Variants in SIK3 observed in about 807,000 individuals in gnomAD.
SIK3 encodes the protein SIK family kinase 3.
A neutral mutation model predicts 144.2 loss-of-function variants in SIK3; 28 were observed. That is an observed-to-expected ratio of 0.19 (90% confidence interval 0.14 to 0.27). The LOEUF is 0.27. Among genes scored for constraint, SIK3 ranks in the 10% least tolerant of loss-of-function variants. The pLI, the probability that SIK3 is intolerant of heterozygous loss-of-function variation, is 1.00. For missense variants in SIK3, 1,319 were observed against 1,776.0 expected, an observed-to-expected ratio of 0.74 and a Z score of 4.62; for synonymous variants, 686 against 676.3, an observed-to-expected ratio of 1.01 and a Z score of -0.22.
Position 116,857,945 on chromosome 11 carries a change from G to A in SIK3, c.3520C>T (p.Leu1174=). 1.2e-6 allele frequency: 2 copies of A among 1,614,236 alleles called. No individual in the cohort carries two copies. The highest frequency in any genetic ancestry group is 8.5e-7 in the Non-Finnish European group (1 of 1,180,050). The stretch of plus-strand genomic sequence containing the variant: ...CCAGGTCCACCGGTACTCAAGAGCA[G>A]AGGGCTGTCATGGCAACCTTTGGTC... ...TLTKGCHDSP[L]LLSTGGPGDP... Residue 1174 remains leucine, a synonymous_variant, in exon 21 of 25, where the codon CTG becomes TTG. Coordinates refer to ENST00000445177, the MANE Select transcript of SIK3 (RefSeq NM_001366686.3).
intron 1 of SIK3, among the ~76,000 whole-genome samples, chr11:117,070,365 C>A (rs1451156043): frequency 6.6e-6 from 1 of 152,168 alleles, no homozygotes; most frequent in Non-Finnish European, 1.5e-5. Flanking sequence ...ATAAGAAGAT[C>A]ACTTGAGCCC....
intron 1 of SIK3, among the ~76,000 whole-genome samples, chr11:116,962,372 C>T (rs1328393452): frequency 2.6e-5 from 4 of 152,108 alleles, no homozygotes; most frequent in African/African-American, 7.2e-5. Context: ...GATGAACATA[C>T]AGTAATTTCA....
chr11:116,853,422 A>G (rs1012979502), intron 21 of SIK3, among the ~76,000 whole-genome samples: 2 of 152,214 alleles, frequency 1.3e-5, no homozygotes, highest in Non-Finnish European at 2.9e-5. Flanking sequence ...ATATTTATCA[A>G]ACTAAAGCTA....
intron 6 of SIK3, 54 bp from the exon 7 acceptor site, chr11:116,877,096 G>C: frequency 6.6e-7 from 1 of 1,510,922 alleles, no homozygotes; most frequent in South Asian, 1.1e-5. Flanking sequence ...GGCACCAGGG[G>C]AGTAGAGGAA....
intron 1 of SIK3, among the ~76,000 whole-genome samples, chr11:116,966,241 T>A (rs1949544164): frequency 6.6e-6 from 1 of 151,926 alleles, no homozygotes; most frequent in East Asian, 1.9e-4. Flanking sequence ...AAAAATTTTT[T>A]AAAAATTATC....
chr11:116,860,779 G>C (rs1395330925), intron 19 of SIK3, among the ~76,000 whole-genome samples: 2 of 152,178 alleles, frequency 1.3e-5, no homozygotes, highest in African/African-American at 4.8e-5. Flanking sequence ...TGTCAAGGGA[G>C]GGACCTGGTG....
In SIK3 at chr11:116,867,915, A is replaced by G; in HGVS notation, c.1952+31T>C. On this transcript the variant is annotated intron_variant, in intron 15 of 24. Coordinates refer to ENST00000445177, the MANE Select transcript of SIK3 (RefSeq NM_001366686.3). The surrounding 1 kb of genome is among the most constrained non-coding windows in gnomAD (Gnocchi z 4.1). ...AAGGGTGCCTGTCCGATGAGCCTCA[A>G]GGAGCTCGCACAGCTCATGTGGCTA... is the stretch of plus-strand genomic sequence containing the variant. The G allele has an allele frequency of 6.7e-7, 1 of 1,489,068 alleles. No homozygotes were observed. The highest frequency in any genetic ancestry group is 9.0e-7 in the Non-Finnish European group (1 of 1,115,926). 92.2% of individuals were successfully genotyped at this position (1,489,068 alleles called of 1,614,324 possible).
intron 4 of SIK3, among the ~76,000 whole-genome samples, chr11:116,916,796 CAAA>C (rs34262569): frequency 3.1e-5 from 4 of 129,848 alleles, no homozygotes; most frequent in Non-Finnish European, 3.4e-5. Context: ...AGGTGTGAGC[CAAA>C]AAAAAAAAAA....
At chr11:117,076,007 G>C (rs1328547042) in intron 1 of SIK3, among the ~76,000 whole-genome samples, 1 of 151,396 alleles carries the variant, frequency 6.6e-6, no homozygotes, top group Non-Finnish European at 1.5e-5. Flanking sequence ...TGCCACCATG[G>C]CTGGCTAATT....
At chr11:117,066,490 G>T (rs1220757419) in intron 1 of SIK3, among the ~76,000 whole-genome samples, 1 of 149,858 alleles carries the variant, frequency 6.7e-6, no homozygotes, top group Non-Finnish European at 1.5e-5. Flanking sequence ...CTTGTATCCA[G>T]GATATATAAA....
chr11:117,013,903 G>GTGTGTGTGTGTGT lies in SIK3; in HGVS notation c.274-56840_274-56839insACACACACACACA, dbSNP rs1555127047. 1.8e-3 allele frequency among the ~76,000 whole-genome samples: 96 copies of GTGTGTGTGTGTGT among 52,816 alleles called. 1 individual carries two copies. The highest frequency in any genetic ancestry group is 4.9e-3 in the African/African-American group (82 of 16,878). The allele number at this position is 52,816 out of a possible 152,430, so 34.6% of individuals were successfully genotyped here. A position where few individuals can be genotyped will look rare whatever the true frequency, so the allele number is the denominator to read the frequency against. ...GATATAAGTCTCCAGATTCTGAGGGGGGGGGGGGGAGGGTGTGTGTGTGTG... is the reference window on the plus strand; with the variant it reads ...GATATAAGTCTCCAGATTCTGAGGGGTGTGTGTGTGTGTGGGGGGGGGAGGGTGTGTGTGTGTG... On this transcript the variant is annotated intron_variant, in intron 1 of 24. Coordinates refer to ENST00000445177, the MANE Select transcript of SIK3 (RefSeq NM_001366686.3).
intron 1 of SIK3, among the ~76,000 whole-genome samples, chr11:117,003,803 T>A (rs986091180): frequency 1.3e-5 from 2 of 152,002 alleles, no homozygotes; most frequent in African/African-American, 4.8e-5. Flanking sequence ...AAGAAACAAT[T>A]CAAGCTGAGA....
At chr11:116,862,871 C>T (rs1308466954) in intron 16 of SIK3, among the ~76,000 whole-genome samples, 6 of 152,052 alleles carry the variant, frequency 3.9e-5, no homozygotes, top group Admixed American at 3.3e-4. Flanking sequence ...GTCAGAAGTT[C>T]GAGACATAGC....
intron 3 of SIK3, among the ~76,000 whole-genome samples, chr11:116,953,515 G>A (rs1949028547): frequency 6.6e-6 from 1 of 152,226 alleles, no homozygotes; most frequent in East Asian, 1.9e-4. Flanking sequence ...CTAAAGCTAA[G>A]TGTGAGAGGA....
chr11:117,041,746 C>T (rs1952750729), intron 1 of SIK3, among the ~76,000 whole-genome samples: 1 of 152,118 alleles, frequency 6.6e-6, no homozygotes, highest in African/African-American at 2.4e-5. Flanking sequence ...GATTATCATG[C>T]TTTGTTTTCT....
At position 116,969,009 on chromosome 11, in the gene SIK3, C is replaced by T. The variant is rs543177740; in HGVS notation, c.274-11945G>A. Among the ~76,000 whole-genome samples, 127 of 151,962 alleles carry T rather than the reference C, an allele frequency of 8.4e-4. 1 individual carries two copies. The highest frequency in any genetic ancestry group is 3.0e-3 in the African/African-American group (123 of 41,498). On this transcript the variant is annotated intron_variant, in intron 1 of 24. Transcript: ENST00000445177. Reference sequence around the variant, plus strand: ...AATAGTTTCATTTAAGATAGACAGACGGCCGACGCGGTGGCTCATGCCTGT... The same window carrying T: ...AATAGTTTCATTTAAGATAGACAGATGGCCGACGCGGTGGCTCATGCCTGT...
intron 1 of SIK3, among the ~76,000 whole-genome samples, chr11:117,087,896 A>T (rs1213589753): frequency 1.6e-4 from 25 of 152,166 alleles, no homozygotes; most frequent in Non-Finnish European, 4.4e-5. Flanking sequence ...ATAAAATTAT[A>T]AAAAAGATTC....
chr11:116,955,182 G>A (rs930001583), intron 2 of SIK3, among the ~76,000 whole-genome samples: 1 of 152,176 alleles, frequency 6.6e-6, no homozygotes, highest in Non-Finnish European at 1.5e-5. Context: ...TGGATCACTT[G>A]AGATTAGGAG....
chr11:116,952,971 C>T (rs1287746561), intron 3 of SIK3, among the ~76,000 whole-genome samples: 1 of 152,072 alleles, frequency 6.6e-6, no homozygotes, highest in African/African-American at 2.4e-5. Context: ...ATTAACTAAT[C>T]ACATATACAA....
Sources: gnomAD v4.1 joint callset for allele counts (sites outside exome capture counted in the v4.1 genomes callset) on GRCh38, gnomAD v4.1.1 for gene constraint, Gnocchi (gnomAD v3.1) non-coding constraint, MANE v1.5 for transcripts, NCBI Gene and HGNC (gene_info 2026-07-23, HGNC 2026-07-21) for gene names.